KDM4C: variants seen among roughly 807,000 people sequenced by gnomAD.
The protein encoded by KDM4C is lysine demethylase 4C.
Under a neutral mutation model 129.3 loss-of-function variants are expected in KDM4C, and 81 were observed. The ratio of observed to expected loss-of-function variants is 0.63; its 90% CI spans 0.52 to 0.75. The LOEUF (loss-of-function observed/expected upper bound fraction) is 0.75, where lower values mean the gene tolerates loss of function less well. Ranked by LOEUF, KDM4C falls within the 30% of genes least tolerant of loss-of-function variation. The pLI is 0.00. For synonymous variants in KDM4C, 573 were observed against 456.1 expected, an observed-to-expected ratio of 1.26 and a Z score of -3.26; for missense variants, 1,457 against 1,304.0, an observed-to-expected ratio of 1.12 and a Z score of -1.81.
chr9:6,805,544 TA>T (rs1327208743), intron 2 of KDM4C, 54 bp from the exon 3 acceptor site: 1 of 1,274,400 alleles, frequency 7.8e-7, no homozygotes, highest in Non-Finnish European at 1.1e-6. Context: ...ACTTAAAAGC[TA>T]AATTACTTGG....
intron 1 of KDM4C, among the ~76,000 whole-genome samples, chr9:6,775,876 G>T (rs1588180572): frequency 6.6e-6 from 1 of 152,078 alleles, no homozygotes; most frequent in African/African-American, 2.4e-5. Context: ...GTAATTCCTT[G>T]TTGTGGGGAC....
intron 17 of KDM4C, chr9:7,077,047 C>A (rs552752201): frequency 1.0e-6 from 1 of 985,430 alleles, no homozygotes; most frequent in South Asian, 4.7e-5. Flanking sequence ...AGCAACTGAA[C>A]GTATTTTGAG....
chr9:6,791,732 C>T lies in KDM4C; in HGVS notation c.-17-1240C>T, dbSNP rs117245689. Among the ~76,000 whole-genome samples the T allele has an allele frequency of 9.1e-3, 1,378 of 152,250 alleles. 10 individuals are homozygous for T. Among genetic ancestry groups the T allele is most frequent in the Non-Finnish European group, 0.014 (936 of 68,010 alleles). On this transcript the variant is annotated intron_variant, in intron 1 of 21. Coordinates refer to ENST00000381309, the MANE Select transcript of KDM4C (RefSeq NM_015061.6). ...TGTAAACTTGCAAGGTTAGAAAATT[C>T]ATTTTTACGGCCAGACACAGTGGCT...
chr9:7,079,717 T>C (rs931420041), intron 17 of KDM4C, among the ~76,000 whole-genome samples: 2 of 152,212 alleles, frequency 1.3e-5, no homozygotes, highest in African/African-American at 4.8e-5. Flanking sequence ...ATTCTATGTG[T>C]TTTGTAATAC....
chr9:7,011,009 A>G (rs1332014688), intron 12 of KDM4C, among the ~76,000 whole-genome samples: 1 of 152,112 alleles, frequency 6.6e-6, no homozygotes, highest in Non-Finnish European at 1.5e-5. Context: ...GCACCATTGT[A>G]CTCCAGCCTG....
At chr9:7,024,196 C>A (rs62534428) in intron 15 of KDM4C, among the ~76,000 whole-genome samples, 21 of 151,260 alleles carry the variant, frequency 1.4e-4, no homozygotes, top group African/African-American at 4.6e-4. Context: ...ACTTTTCTAT[C>A]TGGAGGATCT....
intron 8 of KDM4C, chr9:6,893,615 C>T (rs1464818188): frequency 6.4e-6 from 1 of 155,380 alleles, no homozygotes; most frequent in East Asian, 1.9e-4. Context: ...CAGCACTTTA[C>T]AGAAGGGAGT....
chr9:7,160,979 G>A (rs1478454740), intron 19 of KDM4C, among the ~76,000 whole-genome samples: 1 of 151,834 alleles, frequency 6.6e-6, no homozygotes, highest in African/African-American at 2.4e-5. Flanking sequence ...GCTGCGGTGG[G>A]CTCCACCCAG....
intron 18 of KDM4C, among the ~76,000 whole-genome samples, chr9:7,120,910 T>A (rs1301561333): frequency 6.6e-6 from 1 of 152,204 alleles, no homozygotes; most frequent in Non-Finnish European, 1.5e-5. Context: ...GGCTGATATT[T>A]AAGGAATTTT....
chr9:6,834,661 C>T (rs1835531666), intron 4 of KDM4C: 4 of 798,626 alleles, frequency 5.0e-6, no homozygotes, highest in African/African-American at 3.4e-5. Context: ...CCCTGAAGTG[C>T]CTCATCGAGC....
intron 20 of KDM4C, among the ~76,000 whole-genome samples, chr9:7,169,205 A>G (rs557174686): frequency 9.9e-5 from 15 of 152,254 alleles, no homozygotes; most frequent in Non-Finnish European, 1.5e-5. Context: ...ATGTTTTGTG[A>G]TTTCCATTTG....
rs139227072 is a variant in KDM4C, at chr9:7,121,832, T to C, written c.2611-6234T>C. Among the ~76,000 whole-genome samples, 427 of 152,214 alleles carry C rather than the reference T, an allele frequency of 2.8e-3. 3 individuals are homozygous for C. Among genetic ancestry groups the C allele is most frequent in the African/African-American group, 0.01 (418 of 41,516 alleles). ...TTAAAAAAAAAAAAGGAAATGTAAT[T>C]TCTTTAGGCCACTGCTTGAATTCTA... is the stretch of plus-strand genomic sequence containing the variant. On this transcript the variant is annotated intron_variant, in intron 18 of 21. Transcript: ENST00000381309.
chr9:6,952,145 C>A (rs1202367223), intron 8 of KDM4C, among the ~76,000 whole-genome samples: 1 of 151,976 alleles, frequency 6.6e-6, no homozygotes, highest in Admixed American at 6.6e-5. Context: ...TTACAAAATG[C>A]ACCCCCTACA....
intron 8 of KDM4C, among the ~76,000 whole-genome samples, chr9:6,964,900 G>A (rs1393254259): frequency 1.3e-5 from 2 of 151,878 alleles, no homozygotes; most frequent in African/African-American, 4.8e-5. Context: ...GTTGCAGTGA[G>A]CCGAGATCGC....
chr9:6,748,424 T>C (rs1390916289), intron 1 of KDM4C, among the ~76,000 whole-genome samples: 1 of 151,632 alleles, frequency 6.6e-6, no homozygotes, highest in African/African-American at 2.4e-5. Context: ...GGAGAATCGC[T>C]TGAACCTGGG....
At chr9:6,813,998 T>C (rs936822718) in intron 3 of KDM4C, among the ~76,000 whole-genome samples, 24 of 152,186 alleles carry the variant, frequency 1.6e-4, no homozygotes, top group African/African-American at 3.4e-4. Flanking sequence ...TCAACTGTTA[T>C]TGTACACATC....
At chr9:7,157,356 G>C (rs1351322892) in intron 19 of KDM4C, among the ~76,000 whole-genome samples, 2 of 152,094 alleles carry the variant, frequency 1.3e-5, no homozygotes, top group Non-Finnish European at 2.9e-5. Context: ...TCTTTCTCTT[G>C]CCTGATTGCC....
intron 19 of KDM4C, among the ~76,000 whole-genome samples, chr9:7,149,239 T>G (rs1033448430): frequency 6.6e-6 from 1 of 152,248 alleles, no homozygotes; most frequent in Non-Finnish European, 1.5e-5. Context: ...ATCCTGAGCA[T>G]GCACACGCCC....
chr9:6,866,608 C>A lies in KDM4C; in HGVS notation c.630-13404C>A, dbSNP rs931109317. The stretch of plus-strand genomic sequence containing the variant: ...TGAGGGATATTTCTTTCTTCAGGTA[C>A]TCCCAGTGCTTCCTACAGATTGAAG... On this transcript the variant is annotated intron_variant, in intron 5 of 21. Coordinates refer to ENST00000381309, the MANE Select transcript of KDM4C (RefSeq NM_015061.6). Among the ~76,000 whole-genome samples the A allele has an allele frequency of 3.3e-5, 5 of 152,214 alleles. No individual in the cohort carries two copies. In the East Asian group the frequency reaches 9.7e-4, roughly 29 times the overall value.
Sources: gnomAD v4.1 joint callset for allele counts (sites outside exome capture counted in the v4.1 genomes callset) on GRCh38, gnomAD v4.1.1 for gene constraint, MANE v1.5 for transcripts, NCBI Gene and HGNC (gene_info 2026-07-23, HGNC 2026-07-21) for gene names.